CATSPERB: variants seen among roughly 807,000 people sequenced by gnomAD.
CATSPERB encodes catsper channel auxiliary subunit beta, also known as cation channel sperm-associated auxiliary subunit beta.
Under a neutral mutation model 128.3 loss-of-function variants are expected in CATSPERB, and 93 were observed. The ratio of observed to expected loss-of-function variants is 0.72; its 90% CI spans 0.61 to 0.86. The LOEUF is 0.86. Ranked by LOEUF, CATSPERB falls within the 40% of genes least tolerant of loss-of-function variation. CATSPERB has a pLI of 0.00. For missense variants in CATSPERB, 1,153 were observed against 1,329.5 expected (o/e 0.87, Z 2.06); for synonymous variants, 381 against 448.8 (o/e 0.85, Z 1.91).
intron 26 of CATSPERB, among the ~76,000 whole-genome samples, chr14:91,586,273 G>T (rs538898032): frequency 6.6e-6 from 1 of 152,170 alleles, no homozygotes; most frequent in Non-Finnish European, 1.5e-5. Context: ...AGAAAGTGGA[G>T]CTTCTATGAG....
intron 22 of CATSPERB, among the ~76,000 whole-genome samples, chr14:91,607,486 T>C (rs1704649): frequency 0.58 from 88,113 of 151,956 alleles, 26,157 homozygotes; most frequent in Admixed American, 0.66. Context: ...GGTGGAAATA[T>C]GCCCAGCATA....
At chr14:91,616,555 TAGG>T (rs1455753458) in intron 20 of CATSPERB, among the ~76,000 whole-genome samples, 17 of 152,298 alleles carry the variant, frequency 1.1e-4, no homozygotes, top group African/African-American at 4.1e-4. Flanking sequence ...TCTTAGATGC[TAGG>T]AGTTTAGTAA....
chr14:91,693,364 G>A lies in CATSPERB; in HGVS notation c.712+20C>T. 1 of 1,593,378 alleles carries A rather than the reference G, an allele frequency of 6.3e-7. No homozygotes were observed. On this transcript the variant is annotated intron_variant, in intron 8 of 26. Transcript: ENST00000256343. ...ATGTAAGTAAAATGCTCAAGATGAAGGCAATGTTAGAGGAGTTACCTTCTT... is the reference window on the plus strand; with the variant it reads ...ATGTAAGTAAAATGCTCAAGATGAAAGCAATGTTAGAGGAGTTACCTTCTT...
chr14:91,589,491 T>C, intron 24 of CATSPERB, 43 bp downstream of exon 24: 1 of 1,581,580 alleles, frequency 6.3e-7, no homozygotes, highest in Non-Finnish European at 8.6e-7. Context: ...AGTAACAATA[T>C]TACTTATCAG....
At chr14:91,682,777 C>T (rs149030691) in intron 11 of CATSPERB, among the ~76,000 whole-genome samples, 1 of 152,302 alleles carries the variant, frequency 6.6e-6, no homozygotes, top group African/African-American at 2.4e-5. Flanking sequence ...TGTAGAATTA[C>T]AAGTAGAGGC....
intron 22 of CATSPERB, among the ~76,000 whole-genome samples, chr14:91,595,987 G>C (rs927005582): frequency 5.9e-5 from 9 of 152,048 alleles, no homozygotes; most frequent in African/African-American, 2.2e-4. Flanking sequence ...ACAAAACAAA[G>C]TATCAGCAAC....
Position 91,603,259 on chromosome 14 carries a change from C to T in CATSPERB, c.2709+5035G>A, listed in dbSNP as rs562063779. 3.1e-5 allele frequency: 34 copies of T among 1,096,300 alleles called. 1 individual carries two copies. The East Asian group carries it at 8.0e-4, about 26-fold the overall frequency. The allele number at this position is 1,096,300 out of a possible 1,614,324, so 67.9% of individuals were successfully genotyped here. Reference sequence around the variant, plus strand: ...GTTTCTCTCAACTCCTGTTTCAAAGCCAGCATATATTATTCACCTTCTCCT... The same window carrying T: ...GTTTCTCTCAACTCCTGTTTCAAAGTCAGCATATATTATTCACCTTCTCCT... On this transcript the variant is annotated intron_variant, in intron 22 of 26. Coordinates refer to ENST00000256343, the MANE Select transcript of CATSPERB (RefSeq NM_024764.4).
At chr14:91,665,252 T>G (rs1429798696) in intron 14 of CATSPERB, among the ~76,000 whole-genome samples, 1 of 152,170 alleles carries the variant, frequency 6.6e-6, no homozygotes, top group Non-Finnish European at 1.5e-5. Flanking sequence ...TTTTAAACCA[T>G]TAAGTTCAAG....
chr14:91,668,945 C>G lies in CATSPERB; in HGVS notation c.1287+869G>C, dbSNP rs1025969158. Among the ~76,000 whole-genome samples the G allele has an allele frequency of 2.6e-5, 4 of 152,180 alleles. No homozygotes were observed. In the South Asian group the frequency reaches 8.3e-4, roughly 32 times the overall value. Reference sequence around the variant, plus strand: ...TTCTTGAAGTCAGCGAAACCAAGAACCCACCGGAAGGAACCAATTCCAGAC... The same window carrying G: ...TTCTTGAAGTCAGCGAAACCAAGAAGCCACCGGAAGGAACCAATTCCAGAC... On this transcript the variant is annotated intron_variant, in intron 14 of 26. Coordinates refer to ENST00000256343, the MANE Select transcript of CATSPERB (RefSeq NM_024764.4).
At position 91,722,925 on chromosome 14, in the gene CATSPERB, G is replaced by T. The variant is rs116388671; in HGVS notation, c.309+124C>A. 1,083 of 647,274 alleles carry T rather than the reference G, an allele frequency of 1.7e-3. 7 individuals carry two copies. The African/African-American group carries it at 0.018, about 11-fold the overall frequency. 40.1% of individuals were successfully genotyped at this position (647,274 alleles called of 1,614,324 possible). A position where few individuals can be genotyped will look rare whatever the true frequency, so the allele number is the denominator to read the frequency against. Reference sequence around the variant, plus strand: ...TAAAGCAAAAAGTGTAACACTATCAGTGGGCTTAAAACATACATAGATGTA... The same window carrying T: ...TAAAGCAAAAAGTGTAACACTATCATTGGGCTTAAAACATACATAGATGTA... On this transcript the variant is annotated intron_variant, in intron 4 of 26. Coordinates refer to ENST00000256343, the MANE Select transcript of CATSPERB (RefSeq NM_024764.4).
intron 17 of CATSPERB, among the ~76,000 whole-genome samples, chr14:91,627,780 T>C (rs1012745731): frequency 2.6e-5 from 4 of 151,844 alleles, no homozygotes; most frequent in Admixed American, 2.0e-4. Context: ...CCAGCTTGGA[T>C]GCAACATAGT....
intron 16 of CATSPERB, 44 bp from the exon 17 acceptor site, chr14:91,636,623 A>G: frequency 6.7e-7 from 1 of 1,489,662 alleles, no homozygotes; most frequent in Non-Finnish European, 9.0e-7. Flanking sequence ...ACTACTTTAT[A>G]CTTCAATTAT....
In CATSPERB at chr14:91,722,189, A is replaced by G. The variant is rs116698485; in HGVS notation, c.309+860T>C. 5.2e-3 allele frequency among the ~76,000 whole-genome samples: 790 copies of G among 152,364 alleles called. 7 individuals carry two copies. The highest frequency in any genetic ancestry group is 0.018 in the African/African-American group (738 of 41,590). On this transcript the variant is annotated intron_variant, in intron 4 of 26. Transcript: ENST00000256343. ...TGATCCATCAATTCCATCCCTGGCC[A>G]TGTAGCTAAGAAAAATGAAAATATA...
chr14:91,604,846 C>A, intron 22 of CATSPERB: 1 of 1,491,822 alleles, frequency 6.7e-7, no homozygotes, highest in Non-Finnish European at 9.4e-7. Flanking sequence ...TATTCTTTGG[C>A]CAGTTGTTTT....
At chr14:91,690,753 G>A (rs993472947) in intron 10 of CATSPERB, among the ~76,000 whole-genome samples, 3 of 152,212 alleles carry the variant, frequency 2.0e-5, no homozygotes, top group Non-Finnish European at 4.4e-5. Context: ...GGGTATATGT[G>A]CACATGCACA....
chr14:91,646,907 T>G (rs1341460753), intron 15 of CATSPERB, among the ~76,000 whole-genome samples: 1 of 152,258 alleles, frequency 6.6e-6, no homozygotes, highest in Non-Finnish European at 1.5e-5. Flanking sequence ...ATTCATGCTT[T>G]AATAAATGTT....
At chr14:91,697,512 T>A (rs535104152) in intron 7 of CATSPERB, among the ~76,000 whole-genome samples, 162 of 152,260 alleles carry the variant, frequency 1.1e-3, no homozygotes, top group African/African-American at 3.9e-3. Context: ...GGTCAAGAGT[T>A]TAATCATTTA....
At chr14:91,667,834 C>A (rs1454835108) in intron 14 of CATSPERB, among the ~76,000 whole-genome samples, 1 of 152,210 alleles carries the variant, frequency 6.6e-6, no homozygotes, top group Non-Finnish European at 1.5e-5. Context: ...TGGAGTTGGG[C>A]AACATGACTT....
At chr14:91,622,074 T>C (rs1011855835) in intron 18 of CATSPERB, 137 bp from the exon 19 acceptor site, 9 of 548,050 alleles carry the variant, frequency 1.6e-5, no homozygotes, top group African/African-American at 1.5e-4. Context: ...TTGCCAAATT[T>C]CAGTCATAAT....
Sources: gnomAD v4.1 joint callset for allele counts (sites outside exome capture counted in the v4.1 genomes callset) on GRCh38, gnomAD v4.1.1 for gene constraint, MANE v1.5 for transcripts, NCBI Gene and HGNC (gene_info 2026-07-23, HGNC 2026-07-21) for gene names.